FHAD1: variants seen among roughly 807,000 people sequenced by gnomAD.
The protein encoded by FHAD1 is forkhead associated phosphopeptide binding domain 1.
A neutral mutation model predicts 191.3 loss-of-function variants in FHAD1; 146 were observed. The observed-to-expected ratio is 0.76, with a 90% CI of 0.67 to 0.88. FHAD1 has a LOEUF of 0.88. Ranked by LOEUF, FHAD1 falls within the 40% of genes least tolerant of loss-of-function variation. The pLI, the probability that FHAD1 is intolerant of heterozygous loss-of-function variation, is 0.00. For missense variants in FHAD1, 1,635 were observed against 1,785.8 expected (o/e 0.92, Z 1.52); for synonymous variants, 616 against 672.3 (o/e 0.92, Z 1.29).
At position 15,367,516 on chromosome 1, in the gene FHAD1, C is replaced by G. The variant is rs370758843; in HGVS notation, c.3208C>G (p.Gln1070Glu). The change falls in exon 25 of 34, where the codon CAG (glutamine) becomes GAG (glutamate). Residue 1070 changes from glutamine to glutamate, a missense_variant. Transcript: ENST00000688493. ...ACTGGAGCAGAACGTGGTGCTGGTCCAGCAGCAGAGCAAGGAGCTGAGTGT... is the reference window on the plus strand; with the variant it reads ...ACTGGAGCAGAACGTGGTGCTGGTCGAGCAGCAGAGCAAGGAGCTGAGTGT... The part of the protein sequence containing the change: ...MELEQNVVLV[Q>E]QQSKELSVLK... The G allele has an allele frequency of 9.6e-5, 149 of 1,551,040 alleles. No individual in the cohort carries two copies. The African/African-American group carries it at 1.9e-3, about 20-fold the overall frequency.
intron 6 of FHAD1, among the ~76,000 whole-genome samples, chr1:15,304,758 C>T (rs1209137749): frequency 6.6e-6 from 1 of 152,162 alleles, no homozygotes; most frequent in Non-Finnish European, 1.5e-5. Context: ...AGTGAGCACC[C>T]CTTCTCCAGT....
Position 15,397,463 on chromosome 1 carries a change from ACT to A in FHAD1, c.*53_*54del. The A allele has an allele frequency of 1.1e-6, 1 of 890,592 alleles. No individual in the cohort carries two copies. 55.2% of individuals were successfully genotyped at this position (890,592 alleles called of 1,614,324 possible). A position where few individuals can be genotyped will look rare whatever the true frequency, so the allele number is the denominator to read the frequency against. On this transcript the variant is annotated 3_prime_UTR_variant, in exon 34 of 34. Coordinates refer to ENST00000688493, the MANE Select transcript of FHAD1 (RefSeq NM_001391957.1). The stretch of plus-strand genomic sequence containing the variant: ...ATGTGATCCTCTGTGAGTTCATGTG[ACT>A]CTTCTGTGTCATCTGTGTCAAAATA...
chr1:15,288,815 G>A (rs973692238), intron 3 of FHAD1, among the ~76,000 whole-genome samples: 2 of 152,180 alleles, frequency 1.3e-5, no homozygotes, highest in African/African-American at 2.4e-5. Context: ...ACAGAGTGTT[G>A]AGTGTATTAA....
intron 14 of FHAD1, among the ~76,000 whole-genome samples, chr1:15,336,221 A>C (rs1050344869): frequency 6.6e-6 from 1 of 152,164 alleles, no homozygotes; most frequent in East Asian, 1.9e-4. Context: ...TATAAATATG[A>C]ACATACTTCC....
chr1:15,285,303 G>A (rs1011633771), intron 3 of FHAD1, among the ~76,000 whole-genome samples: 11 of 152,126 alleles, frequency 7.2e-5, no homozygotes, highest in Admixed American at 3.3e-4. Context: ...AGGCCAAGGC[G>A]GGTGGATCAT....
At chr1:15,258,105 G>A (rs533797677) in intron 2 of FHAD1, among the ~76,000 whole-genome samples, 3 of 152,100 alleles carry the variant, frequency 2.0e-5, no homozygotes, top group African/African-American at 7.2e-5. Context: ...GCCTCCCAAA[G>A]TGCTGGGCTT....
intron 25 of FHAD1, among the ~76,000 whole-genome samples, chr1:15,367,893 C>T (rs1558248131): frequency 6.6e-6 from 1 of 152,150 alleles, no homozygotes; most frequent in Non-Finnish European, 1.5e-5. Context: ...GCTTGGGCTC[C>T]CTCAGCCCCT....
chr1:15,374,340 G>A (rs1698965100), intron 26 of FHAD1, among the ~76,000 whole-genome samples, 162 bp from the exon 27 acceptor site: 1 of 152,212 alleles, frequency 6.6e-6, no homozygotes, highest in East Asian at 1.9e-4. Context: ...CGATATTTGA[G>A]ATGAAAAATG....
At chr1:15,367,278 C>G (rs951926566) in intron 24 of FHAD1, among the ~76,000 whole-genome samples, 185 bp from the exon 25 acceptor site, 3 of 152,024 alleles carry the variant, frequency 2.0e-5, no homozygotes, top group African/African-American at 7.2e-5. Flanking sequence ...GGTGGATCAC[C>G]TGAGGTCAGG....
At chr1:15,335,624 C>T (rs1402089317) in intron 14 of FHAD1, among the ~76,000 whole-genome samples, 1 of 152,260 alleles carries the variant, frequency 6.6e-6, no homozygotes, top group Middle Eastern at 3.4e-3. Context: ...TCATTGAGGG[C>T]CCCTGTGTGC....
chr1:15,362,714 A>C lies in FHAD1; in HGVS notation c.3035A>C (p.Tyr1012Ser). Residue 1012 changes from tyrosine (Y) to serine (S), a missense_variant, in exon 23 of 34, where the codon TAC (tyrosine) becomes TCC (serine). Tyr to Ser is a moderately radical substitution (Grantham distance 144). Transcript: ENST00000688493. ...GAGAGCAGTGCCAAAGACATGGCGT[A>C]CGAACATCTGATGTGAGTACCCGTG... ...MTESSAKDMAYEHLIDDLLAA... is the reference protein window; with the variant it reads ...MTESSAKDMASEHLIDDLLAA... The C allele has an allele frequency of 6.4e-7, 1 of 1,551,646 alleles. No individual in the cohort carries two copies. The highest frequency in any genetic ancestry group is 8.7e-7 in the Non-Finnish European group (1 of 1,146,898).
rs1429207558 is a variant in FHAD1, at chr1:15,312,767, C to G, written c.1040-290C>G. Among the ~76,000 whole-genome samples the G allele has an allele frequency of 1.3e-5, 2 of 152,204 alleles. No individual in the cohort carries two copies. The highest frequency in any genetic ancestry group is 2.9e-5 in the Non-Finnish European group (2 of 68,010). On this transcript the variant is annotated intron_variant, in intron 7 of 33. Coordinates refer to ENST00000688493, the MANE Select transcript of FHAD1 (RefSeq NM_001391957.1). The surrounding 1 kb of genome is among the most constrained non-coding windows in gnomAD (Gnocchi z 4.7). ...GCCACAGGCCCATGTCGTGGCCCCT[C>G]CTGGTCCCTCTCTCTGCTGAGCCTT...
At chr1:15,374,927 T>C (rs2102896815) in intron 27 of FHAD1, among the ~76,000 whole-genome samples, 1 of 151,314 alleles carries the variant, frequency 6.6e-6, no homozygotes, top group South Asian at 2.1e-4. Context: ...GGTGCATTCT[T>C]GCCTCACTGC....
chr1:15,296,763 T>C lies in FHAD1; in HGVS notation c.648T>C (p.Tyr216=), dbSNP rs1287489525. Residue 216 remains tyrosine (Y), a synonymous_variant, in exon 5 of 34, where the codon TAT becomes TAC. Transcript: ENST00000688493. ...IPGAVPPAEI[Y]VEEDLAQQDK... ...GGGCAGTTCCCCCTGCGGAGATTTA[T>C]GTGGAGGAGGACTTGGCCCAGCAGG... 4 of 1,551,748 alleles carry C rather than the reference T, an allele frequency of 2.6e-6. No homozygotes were observed. In the East Asian group the frequency reaches 7.3e-5, roughly 28 times the overall value.
chr1:15,374,089 T>TATCATTAATAATC (rs1553313401), intron 26 of FHAD1, among the ~76,000 whole-genome samples: 1 of 152,088 alleles, frequency 6.6e-6, no homozygotes, highest in Non-Finnish European at 1.5e-5. Flanking sequence ...CCCTAGCAAA[T>TATCATTAATAATC]ATTAAATAAT....
intron 23 of FHAD1, among the ~76,000 whole-genome samples, chr1:15,364,628 A>T (rs1207582601): frequency 1.3e-5 from 2 of 152,156 alleles, no homozygotes; most frequent in African/African-American, 2.4e-5. Flanking sequence ...AAAAATAAAT[A>T]AAAAATAAAG....
intron 4 of FHAD1, among the ~76,000 whole-genome samples, chr1:15,295,883 A>T (rs1666796443): frequency 6.6e-6 from 1 of 152,246 alleles, no homozygotes; most frequent in Non-Finnish European, 1.5e-5. Context: ...CTGTGGCCAC[A>T]TTCCAGTAAA....
rs182859648 is a variant in FHAD1 at position 15,282,213 on chromosome 1, G to T, written c.301-7186G>T. 9.9e-5 allele frequency among the ~76,000 whole-genome samples: 15 copies of T among 152,284 alleles called. No homozygotes were observed. The South Asian group carries it at 2.1e-3, about 21-fold the overall frequency. ...TTGTTCAATTCAGTTCGGTCAGCAGGCACCTAGAGTGTGTGCCAGGCCCTT... is the reference window on the plus strand; with the variant it reads ...TTGTTCAATTCAGTTCGGTCAGCAGTCACCTAGAGTGTGTGCCAGGCCCTT... On this transcript the variant is annotated intron_variant, in intron 3 of 33. Coordinates refer to ENST00000688493, the MANE Select transcript of FHAD1 (RefSeq NM_001391957.1).
intron 5 of FHAD1, among the ~76,000 whole-genome samples, chr1:15,300,694 T>C (rs1406816823): frequency 6.6e-6 from 1 of 152,214 alleles, no homozygotes; most frequent in East Asian, 1.9e-4. Flanking sequence ...GGTATACACA[T>C]GACTTATAGA....
Sources: allele counts gnomAD v4.1 joint callset (sites outside exome capture counted in the v4.1 genomes callset), GRCh38; gene constraint gnomAD v4.1.1; non-coding constraint Gnocchi (gnomAD v3.1); transcripts MANE v1.5; gene names NCBI Gene and HGNC (gene_info 2026-07-23, HGNC 2026-07-21).